Variants in CSMD1 observed in about 807,000 individuals in gnomAD.
CSMD1 encodes the protein CUB and Sushi multiple domains 1.
Under a neutral mutation model 417.5 loss-of-function variants are expected in CSMD1, and 213 were observed. That is an observed-to-expected ratio of 0.51 (90% CI 0.46 to 0.57). The LOEUF (loss-of-function observed/expected upper bound fraction) is 0.57. CSMD1 is among the 20% of genes least tolerant of loss of function. CSMD1 has a pLI of 0.00. For synonymous variants in CSMD1, 2,862 were observed against 1,736.8 expected, an observed-to-expected ratio of 1.65 and a Z score of -16.11; for missense variants, 6,923 against 4,529.7, an observed-to-expected ratio of 1.53 and a Z score of -15.17.
rs572256152 is a variant in CSMD1 at position 2,935,876 on chromosome 8, A to T, written c.*2709T>A. Reference sequence around the variant, plus strand: ...TGCAGCTAGCCTGAAAAAAGGCAAGATGTGTGTGTAAAACAAGCAGCAGTT... The same window carrying T: ...TGCAGCTAGCCTGAAAAAAGGCAAGTTGTGTGTGTAAAACAAGCAGCAGTT... On this transcript the variant is annotated 3_prime_UTR_variant, in exon 70 of 70. Coordinates refer to ENST00000635120, the MANE Select transcript of CSMD1 (RefSeq NM_033225.6). The T allele has an allele frequency of 1.3e-5, 2 of 152,206 alleles. No individual in the cohort carries two copies. The highest frequency in any genetic ancestry group is 1.5e-5 in the Non-Finnish European group (1 of 68,034). The allele number at this position is 152,206 out of a possible 1,614,324, so 9.4% of individuals were successfully genotyped here.
At chr8:4,227,507 A>C (rs570810601) in intron 3 of CSMD1, among the ~76,000 whole-genome samples, 1 of 152,092 alleles carries the variant, frequency 6.6e-6, no homozygotes, top group Non-Finnish European at 1.5e-5. Context: ...GGAGGAGCGC[A>C]TTAAATCCAC....
At chr8:4,273,796 G>T (rs1232678996) in intron 3 of CSMD1, among the ~76,000 whole-genome samples, 2 of 152,166 alleles carry the variant, frequency 1.3e-5, no homozygotes, top group Admixed American at 1.3e-4. Flanking sequence ...CTGCGTGTAT[G>T]TCTGGTGAAA....
intron 7 of CSMD1, among the ~76,000 whole-genome samples, chr8:3,670,990 G>C (rs549223292): frequency 2.4e-5 from 3 of 127,306 alleles, no homozygotes; most frequent in African/African-American, 5.7e-5. Context: ...TATGTATATG[G>C]GATATATATG....
intron 49 of CSMD1, among the ~76,000 whole-genome samples, chr8:3,082,910 T>C (rs1215290918): frequency 6.6e-6 from 1 of 152,206 alleles, no homozygotes; most frequent in Non-Finnish European, 1.5e-5. Context: ...CCCAGCTTTA[T>C]ATCGAATGTG....
At chr8:3,539,480 C>A (rs757972965) in intron 10 of CSMD1, among the ~76,000 whole-genome samples, 1 of 152,140 alleles carries the variant, frequency 6.6e-6, no homozygotes, top group Admixed American at 6.5e-5. Context: ...ATCTCCAGAG[C>A]CTAAAACACA....
intron 10 of CSMD1, among the ~76,000 whole-genome samples, chr8:3,522,156 A>G (rs1003254634): frequency 6.6e-6 from 1 of 152,230 alleles, no homozygotes; most frequent in Admixed American, 6.5e-5. Flanking sequence ...GCAAAGTCAA[A>G]TTATTCGAAG....
At chr8:3,311,375 G>A (rs953369698) in intron 23 of CSMD1, among the ~76,000 whole-genome samples, 1 of 151,994 alleles carries the variant, frequency 6.6e-6, no homozygotes, top group Non-Finnish European at 1.5e-5. Context: ...TCAGCCTCCT[G>A]AATAGCTGGG....
chr8:3,252,291 A>G (rs1011076182), intron 26 of CSMD1, among the ~76,000 whole-genome samples: 2 of 152,228 alleles, frequency 1.3e-5, no homozygotes, highest in African/African-American at 2.4e-5. Flanking sequence ...AATTTTGTCA[A>G]AGGCCATTTC....
chr8:3,642,677 T>C lies in CSMD1; in HGVS notation c.1010-25880A>G, dbSNP rs193034548. Among the ~76,000 whole-genome samples the C allele has an allele frequency of 2.9e-3, 435 of 152,146 alleles. 2 individuals are homozygous for C. The highest frequency in any genetic ancestry group is 4.8e-3 in the Non-Finnish European group (326 of 68,004). On this transcript the variant is annotated intron_variant, in intron 7 of 69. Transcript: ENST00000635120. The stretch of plus-strand genomic sequence containing the variant: ...TGGAGAGATTTCACAACTGGGCTTA[T>C]AGGAAAGAGGATACAAAAGAAGTAT...
chr8:3,949,060 A>C (rs959423236), intron 5 of CSMD1, among the ~76,000 whole-genome samples: 9 of 152,198 alleles, frequency 5.9e-5, no homozygotes, highest in African/African-American at 2.2e-4. Context: ...TACTGTTTTT[A>C]AAAGCTATTT....
At chr8:4,085,918 G>A (rs1476904025) in intron 3 of CSMD1, among the ~76,000 whole-genome samples, 1 of 152,128 alleles carries the variant, frequency 6.6e-6, no homozygotes, top group African/African-American at 2.4e-5. Context: ...ATTGCGTAAG[G>A]ATGGAAGGGG....
intron 2 of CSMD1, among the ~76,000 whole-genome samples, chr8:4,514,291 T>C (rs962573556): frequency 6.6e-6 from 1 of 152,120 alleles, no homozygotes; most frequent in Non-Finnish European, 1.5e-5. Flanking sequence ...CCCACTCTTA[T>C]TATCTCATTT....
intron 1 of CSMD1, among the ~76,000 whole-genome samples, chr8:4,892,997 G>A (rs578257546): frequency 3.3e-5 from 5 of 152,220 alleles, no homozygotes; most frequent in Admixed American, 2.0e-4. Flanking sequence ...TGCACGGTGT[G>A]ATACTGCATC....
chr8:4,576,473 A>G (rs2725060), intron 2 of CSMD1, among the ~76,000 whole-genome samples: 23,589 of 152,132 alleles, frequency 0.16, 1,885 homozygotes, highest in Admixed American at 0.21. Context: ...GCTGGAAGGT[A>G]TATATTTTTT....
At chr8:4,072,049 G>C (rs1353253890) in intron 3 of CSMD1, among the ~76,000 whole-genome samples, 1 of 152,194 alleles carries the variant, frequency 6.6e-6, no homozygotes, top group East Asian at 1.9e-4. Flanking sequence ...TGTTAGGATA[G>C]AGTTTTGGTT....
At chr8:3,568,890 C>T (rs1283962302) in intron 10 of CSMD1, among the ~76,000 whole-genome samples, 1 of 152,044 alleles carries the variant, frequency 6.6e-6, no homozygotes, top group African/African-American at 2.4e-5. Context: ...TACATTTAAA[C>T]TTTCCAATGA....
intron 26 of CSMD1, among the ~76,000 whole-genome samples, chr8:3,230,480 G>C (rs932754182): frequency 1.4e-5 from 2 of 142,494 alleles, no homozygotes; most frequent in African/African-American, 5.2e-5. Flanking sequence ...AATATATCAA[G>C]GGTTTTTTTA....
intron 23 of CSMD1, among the ~76,000 whole-genome samples, chr8:3,339,470 G>T (rs546661154): frequency 6.6e-6 from 1 of 152,112 alleles, no homozygotes; most frequent in African/African-American, 2.4e-5. Context: ...CAGAATTCTG[G>T]TTCCATCGGT....
intron 1 of CSMD1, among the ~76,000 whole-genome samples, chr8:4,892,610 G>A (rs1047545373): frequency 1.3e-5 from 2 of 151,868 alleles, no homozygotes; most frequent in Admixed American, 6.6e-5. Flanking sequence ...AAAAGTAAAA[G>A]TAGTCTTTCC....
Sources: allele counts gnomAD v4.1 joint callset (sites outside exome capture counted in the v4.1 genomes callset), GRCh38; gene constraint gnomAD v4.1.1; transcripts MANE v1.5; gene names NCBI Gene and HGNC (gene_info 2026-07-23, HGNC 2026-07-21).